Variants in LIPA observed in about 807,000 individuals in gnomAD.
The protein encoded by LIPA is lysosomal acid lipase/cholesteryl ester hydrolase.
In LIPA, 26 loss-of-function variants were observed where a neutral mutation model predicts 40.6. The observed-to-expected ratio is 0.64, with a 90% CI of 0.47 to 0.89. The LOEUF (loss-of-function observed/expected upper bound fraction) is 0.89, where lower values mean the gene tolerates loss of function less well. Ranked by LOEUF, LIPA falls within the 40% of genes least tolerant of loss-of-function variation. LIPA has a pLI of 0.00. For synonymous variants in LIPA, 188 were observed against 168.4 expected (o/e 1.12, Z -0.90); for missense variants, 455 against 479.6 (o/e 0.95, Z 0.48).
chr10:89,392,466 TCCC>T, intron 2 of LIPA: 1 of 285,986 alleles, frequency 3.5e-6, no homozygotes. Flanking sequence ...AAAGTTTCAT[TCCC>T]CACCCCCCCC....
intron 2 of LIPA, among the ~76,000 whole-genome samples, chr10:89,394,593 TA>T (rs1844308290): frequency 2.2e-4 from 4 of 17,926 alleles, no homozygotes; most frequent in African/African-American, 1.4e-3. Flanking sequence ...TATATATATA[TA>T]TATATATATA....
chr10:89,265,450 A>G (rs1313119609), intron 1 of LIPA, among the ~76,000 whole-genome samples: 1 of 152,264 alleles, frequency 6.6e-6, no homozygotes, highest in Non-Finnish European at 1.5e-5. Context: ...CTGCCATCAG[A>G]ATCAGTAAAC....
intron 1 of LIPA, among the ~76,000 whole-genome samples, chr10:89,265,971 A>T (rs544180744): frequency 1.3e-5 from 2 of 152,370 alleles, no homozygotes; most frequent in East Asian, 3.9e-4. Context: ...AGTTGCAATC[A>T]AAATGCATGT....
At chr10:89,265,148 G>T (rs1220309389) in intron 1 of LIPA, among the ~76,000 whole-genome samples, 1 of 152,006 alleles carries the variant, frequency 6.6e-6, no homozygotes, top group Non-Finnish European at 1.5e-5. Context: ...AGCAGGGAGA[G>T]GCCAGGCAGT....
At chr10:89,390,327 A>T (rs1227498062) in intron 2 of LIPA, among the ~76,000 whole-genome samples, 1 of 152,114 alleles carries the variant, frequency 6.6e-6, no homozygotes, top group Non-Finnish European at 1.5e-5. Flanking sequence ...CCTGTACCTA[A>T]GTATATGTTC....
At chr10:89,365,821 G>A (rs143008090) in intron 2 of LIPA, among the ~76,000 whole-genome samples, 1,597 of 152,230 alleles carry the variant, frequency 0.01, 26 homozygotes, top group African/African-American at 0.037. Flanking sequence ...TCTCTGTTTT[G>A]GTAAAAGTAC....
chr10:89,384,553 T>G (rs756763025), intron 2 of LIPA: 3 of 1,614,012 alleles, frequency 1.9e-6, no homozygotes, highest in Non-Finnish European at 2.5e-6. Flanking sequence ...AATGTCCCAT[T>G]CCAGGGAAAA....
chr10:89,328,030 C>T, intron 1 of LIPA: 1 of 1,612,960 alleles, frequency 6.2e-7, no homozygotes, highest in South Asian at 1.1e-5. Context: ...ACAAATCAGC[C>T]TGGTCACCAG....
intron 1 of LIPA, among the ~76,000 whole-genome samples, chr10:89,328,924 G>A (rs143023595): frequency 6.6e-6 from 1 of 152,212 alleles, no homozygotes; most frequent in Non-Finnish European, 1.5e-5. Flanking sequence ...AGTGATGGTG[G>A]CTACATATGC....
At chr10:89,275,503 C>T (rs1272618040) in intron 1 of LIPA, among the ~76,000 whole-genome samples, 2 of 152,184 alleles carry the variant, frequency 1.3e-5, no homozygotes, top group Non-Finnish European at 2.9e-5. Flanking sequence ...CCCATTTTTT[C>T]CACCTGCCTT....
intron 1 of LIPA, among the ~76,000 whole-genome samples, chr10:89,278,815 T>C (rs1177851392): frequency 6.6e-6 from 1 of 151,450 alleles, no homozygotes; most frequent in East Asian, 1.9e-4. Context: ...ATTATTTACA[T>C]ATGTTTATAT....
Position 89,383,660 on chromosome 10 carries a change from C to T in LIPA, c.61+29131G>A, listed in dbSNP as rs749702479. Reference sequence around the variant, plus strand: ...ATGGGCAGATTGGCAGAAGCCCAGACTTACCTGGACAAGGTGGAGAACACT... The same window carrying T: ...ATGGGCAGATTGGCAGAAGCCCAGATTTACCTGGACAAGGTGGAGAACACT... On this transcript the variant is annotated intron_variant, in intron 2 of 8. Coordinates refer to the LIPA transcript ENST00000371837. 9 of 1,614,244 alleles carry T rather than the reference C, an allele frequency of 5.6e-6. No homozygotes were observed. The South Asian group carries it at 8.8e-5, about 16-fold the overall frequency.
chr10:89,379,089 G>A (rs1844142598), intron 2 of LIPA, among the ~76,000 whole-genome samples: 1 of 152,136 alleles, frequency 6.6e-6, no homozygotes, highest in Non-Finnish European at 1.5e-5. Flanking sequence ...AATTCACGTG[G>A]GAAAAAGAAG....
chr10:89,412,455 C>G (rs772156172), intron 2 of LIPA, among the ~76,000 whole-genome samples: 1 of 152,132 alleles, frequency 6.6e-6, no homozygotes, highest in African/African-American at 2.4e-5. Flanking sequence ...GTAAAATGGA[C>G]CAATCAGCAG....
At chr10:89,399,819 G>T (rs1262659523) in intron 2 of LIPA, among the ~76,000 whole-genome samples, 1 of 151,778 alleles carries the variant, frequency 6.6e-6, no homozygotes, top group Non-Finnish European at 1.5e-5. Flanking sequence ...TCGTAAGAGT[G>T]AGGCCTTAAT....
chr10:89,268,459 T>C (rs1843248713), intron 1 of LIPA, among the ~76,000 whole-genome samples: 1 of 152,232 alleles, frequency 6.6e-6, no homozygotes, highest in African/African-American at 2.4e-5. Context: ...TGATTATTAA[T>C]GGATTCTAGT....
In LIPA at chr10:89,230,424, A is replaced by G. The variant is rs115919635; in HGVS notation, c.230-2026T>C. 3.2e-3 allele frequency among the ~76,000 whole-genome samples: 480 copies of G among 152,276 alleles called. 3 individuals are homozygous for G. The highest frequency in any genetic ancestry group is 0.011 in the African/African-American group (464 of 41,548). On this transcript the variant is annotated intron_variant, in intron 3 of 9. Transcript: ENST00000336233. ...TGGGCTCAAGTGATCCTTCCATCTC[A>G]ACCTCCTGAGTAGTTGGGATTTCAG...
At chr10:89,303,634 A>G (rs1358324936) in intron 1 of LIPA, among the ~76,000 whole-genome samples, 1 of 152,200 alleles carries the variant, frequency 6.6e-6, no homozygotes, top group African/African-American at 2.4e-5. Flanking sequence ...GCTTTTACCT[A>G]AGTGTGTATA....
chr10:89,277,981 G>A (rs1564774463), intron 1 of LIPA: 1 of 151,952 alleles, frequency 6.6e-6, no homozygotes, highest in Non-Finnish European at 1.5e-5. Context: ...CATAATACGA[G>A]GTATAAGGGA....
Sources: allele counts gnomAD v4.1 joint callset (sites outside exome capture counted in the v4.1 genomes callset), GRCh38; gene constraint gnomAD v4.1.1; transcripts MANE v1.5; gene names NCBI Gene and HGNC (gene_info 2026-07-23, HGNC 2026-07-21).